Variants in VPS13C observed in about 807,000 individuals in gnomAD.
VPS13C encodes vacuolar protein sorting 13 homolog C.
Under a neutral mutation model 456.8 loss-of-function variants are expected in VPS13C, and 358 were observed. The ratio of observed to expected loss-of-function variants is 0.78; its 90% CI spans 0.72 to 0.86. VPS13C has a LOEUF of 0.86. Ranked by LOEUF, VPS13C falls within the 40% of genes least tolerant of loss-of-function variation. VPS13C has a pLI of 0.00. For synonymous variants in VPS13C, 1,578 were observed against 1,486.7 expected, an observed-to-expected ratio of 1.06 and a Z score of -1.41; for missense variants, 4,818 against 4,385.4, an observed-to-expected ratio of 1.10 and a Z score of -2.79.
intron 2 of VPS13C, among the ~76,000 whole-genome samples, chr15:62,042,526 CA>C (rs754056541): frequency 2.7e-3 from 382 of 141,042 alleles, no homozygotes; most frequent in Non-Finnish European, 3.2e-3. Flanking sequence ...TTTTTTAGAC[CA>C]AAAAAAAAAA....
rs141494425 is a variant in VPS13C at position 62,000,693 on chromosome 15, T to C, written c.1291-67A>G. 1.9e-4 allele frequency: 260 copies of C among 1,383,720 alleles called. 1 individual carries two copies. The African/African-American group carries it at 3.6e-3, about 19-fold the overall frequency. 85.7% of individuals were successfully genotyped at this position (1,383,720 alleles called of 1,614,324 possible). On this transcript the variant is annotated intron_variant, in intron 15 of 84. Transcript: ENST00000644861. ...TTAGATAAAAGAAATTTTTCTTTCA[T>C]GATTTCTAGGCATATCTAGTCCATT...
Position 61,936,721 on chromosome 15 carries a change from A to C in VPS13C, c.5631T>G (p.Val1877=), listed in dbSNP as rs757931601. ...QVALSEDDLT[V]LMKILLENLG... is the part of the protein sequence containing the mutation. ...GATTTTCTAGCAAAATTTTCATTAA[A>C]ACTGTCAAGTCATCTTCACTGAGAG... The change falls in exon 48 of 85, where the codon GTT becomes GTG. Residue 1877 remains valine, a synonymous_variant. Coordinates refer to ENST00000644861, the MANE Select transcript of VPS13C (RefSeq NM_020821.3). 1 of 1,613,220 alleles carries C rather than the reference A, an allele frequency of 6.2e-7. No homozygotes were observed. The highest frequency in any genetic ancestry group is 2.2e-5 in the East Asian group (1 of 44,848).
At chr15:61,978,774 T>A in intron 22 of VPS13C, 25 bp from the exon 23 acceptor site, 10 of 1,564,642 alleles carry the variant, frequency 6.4e-6, no homozygotes, top group Non-Finnish European at 8.6e-6. Context: ...AAATTTCAAT[T>A]TTTTTTTCCA....
intron 8 of VPS13C, among the ~76,000 whole-genome samples, chr15:62,021,890 C>G (rs899025943): frequency 6.6e-6 from 1 of 151,868 alleles, no homozygotes; most frequent in African/African-American, 2.4e-5. Context: ...TATCTACAAA[C>G]CACAGCTATT....
intron 67 of VPS13C, among the ~76,000 whole-genome samples, chr15:61,885,970 C>A (rs1896235439): frequency 6.6e-6 from 1 of 152,118 alleles, no homozygotes; most frequent in African/African-American, 2.4e-5. Flanking sequence ...CACTCAATAT[C>A]ATTTGCCTTG....
intron 76 of VPS13C, 78 bp from the exon 77 acceptor site, chr15:61,875,029 GC>G: frequency 7.9e-7 from 1 of 1,266,508 alleles, no homozygotes; most frequent in African/African-American, 1.5e-5. Flanking sequence ...TTCAGGGTTT[GC>G]AAGAAGAATC....
chr15:61,954,633 T>G, intron 37 of VPS13C, 79 bp from the exon 38 acceptor site: 1 of 1,400,560 alleles, frequency 7.1e-7, no homozygotes, highest in South Asian at 1.5e-5. Context: ...TATATGAGTA[T>G]TCTGGACCTG....
chr15:61,891,669 T>C (rs2042655413), intron 66 of VPS13C, among the ~76,000 whole-genome samples: 1 of 152,246 alleles, frequency 6.6e-6, no homozygotes, highest in Non-Finnish European at 1.5e-5. Context: ...GCAATACTAT[T>C]CATTGCATGA....
At chr15:62,043,653 T>C (rs1159219980) in intron 2 of VPS13C, among the ~76,000 whole-genome samples, 2 of 151,994 alleles carry the variant, frequency 1.3e-5, no homozygotes, top group African/African-American at 4.8e-5. Flanking sequence ...GGAAAAAAAT[T>C]AATTAAACAA....
At chr15:61,993,249 A>G (rs2046280821) in intron 16 of VPS13C, among the ~76,000 whole-genome samples, 2 of 152,098 alleles carry the variant, frequency 1.3e-5, no homozygotes, top group Admixed American at 6.5e-5. Context: ...TTTTAACCAA[A>G]CTGATAGCTT....
rs777552846 is a variant in VPS13C, at chr15:61,917,551, A to C, written c.7845T>G (p.Leu2615=). 231 of 1,613,878 alleles carry C rather than the reference A, an allele frequency of 1.4e-4. No homozygotes were observed. In the East Asian group the frequency reaches 5.1e-3, roughly 36 times the overall value. The part of the protein sequence containing the change: ...STTYISWKEE[L]HRSREVRCML... Reference sequence around the variant, plus strand: ...TGCATCTGACTTCCCTGCTCCTATGAAGTTCTTCCTTCCAGGAAATATAAG... The same window carrying C: ...TGCATCTGACTTCCCTGCTCCTATGCAGTTCTTCCTTCCAGGAAATATAAG... The change falls in exon 60 of 85, where the codon CTT becomes CTG. Residue 2615 remains leucine, a synonymous_variant. Coordinates refer to ENST00000644861, the MANE Select transcript of VPS13C (RefSeq NM_020821.3).
In VPS13C at chr15:61,929,599, A is replaced by G; in HGVS notation, c.6188T>C (p.Phe2063Ser). 1 of 1,614,120 alleles carries G rather than the reference A, an allele frequency of 6.2e-7. No homozygotes were observed. Among genetic ancestry groups the G allele is most frequent in the East Asian group, 2.2e-5 (1 of 44,858 alleles). The change falls in exon 51 of 85, where the codon TTC becomes TCC. Residue 2063 changes from phenylalanine to serine, a missense_variant. Around this residue, in one of 3 missense-constraint regions of VPS13C, gnomAD observed 4,552 missense variants for 4,130.6 expected, o/e 1.10. Coordinates refer to ENST00000644861, the MANE Select transcript of VPS13C (RefSeq NM_020821.3). ...ACTCTGAGGCACAGCTTTGATAAAGAAATCTGCCACAGTCATCAGAAATTC... is the reference window on the plus strand; with the variant it reads ...ACTCTGAGGCACAGCTTTGATAAAGGAATCTGCCACAGTCATCAGAAATTC... ...SVEFLMTVAD[F>S]FIKAVPQSPE...
At chr15:61,957,943 T>A (rs977461946) in intron 37 of VPS13C, among the ~76,000 whole-genome samples, 4 of 151,986 alleles carry the variant, frequency 2.6e-5, no homozygotes, top group African/African-American at 4.8e-5. Flanking sequence ...AATATTTTTT[T>A]AAAAACAGCA....
intron 20 of VPS13C, among the ~76,000 whole-genome samples, chr15:61,983,108 G>A (rs530470428): frequency 7.6e-4 from 116 of 152,240 alleles, no homozygotes; most frequent in African/African-American, 2.5e-3. Context: ...ATTGAGTTAC[G>A]TGTATTTTAC....
intron 67 of VPS13C, among the ~76,000 whole-genome samples, chr15:61,889,904 G>T (rs2042599598): frequency 6.6e-6 from 1 of 151,618 alleles, no homozygotes; most frequent in African/African-American, 2.4e-5. Flanking sequence ...CACACATTAA[G>T]GACAACAAGG....
chr15:62,037,325 T>A (rs1306212936), intron 3 of VPS13C, among the ~76,000 whole-genome samples: 920 of 87,408 alleles, frequency 0.011, 32 homozygotes, highest in African/African-American at 0.04. Context: ...TATTATATAT[T>A]ATATACATTT....
At chr15:62,006,430 G>T (rs1369144363) in intron 15 of VPS13C, among the ~76,000 whole-genome samples, 1 of 152,074 alleles carries the variant, frequency 6.6e-6, no homozygotes, top group African/African-American at 2.4e-5. Flanking sequence ...CAAGGGACAT[G>T]AACTCATCAT....
intron 49 of VPS13C, among the ~76,000 whole-genome samples, chr15:61,933,050 T>G (rs950099173): frequency 6.6e-6 from 1 of 152,168 alleles, no homozygotes; most frequent in African/African-American, 2.4e-5. Flanking sequence ...AGGAAGTCAT[T>G]GCAGTACTAC....
rs533769557 is a variant in VPS13C, at chr15:61,971,421, C to A, written c.2757+1204G>T. On this transcript the variant is annotated intron_variant, in intron 27 of 84. Coordinates refer to ENST00000644861, the MANE Select transcript of VPS13C (RefSeq NM_020821.3). ...GGATTACAGGTGCCCACCACCACGCCTAGCTAATTTTGTATTTTTAGTAGA... is the reference window on the plus strand; with the variant it reads ...GGATTACAGGTGCCCACCACCACGCATAGCTAATTTTGTATTTTTAGTAGA... Among the ~76,000 whole-genome samples the A allele has an allele frequency of 2.6e-5, 4 of 152,250 alleles. No individual in the cohort carries two copies. In the East Asian group the frequency reaches 7.7e-4, roughly 29 times the overall value.
Sources: allele counts gnomAD v4.1 joint callset (sites outside exome capture counted in the v4.1 genomes callset), GRCh38; gene constraint gnomAD v4.1.1; regional missense constraint gnomAD v4.1.1; transcripts MANE v1.5; gene names NCBI Gene and HGNC (gene_info 2026-07-23, HGNC 2026-07-21).